The following CSMD1 variants were observed in gnomAD, a reference collection of about 807,000 sequenced individuals.
CSMD1 encodes the protein CUB and Sushi multiple domains 1.
Under a neutral mutation model 417.5 loss-of-function variants are expected in CSMD1, and 213 were observed. That is an observed-to-expected ratio of 0.51 (90% CI 0.46 to 0.57). The LOEUF is 0.57. Ranked by LOEUF, CSMD1 falls within the 20% of genes least tolerant of loss-of-function variation. The pLI is 0.00. For synonymous variants in CSMD1, 2,862 were observed against 1,736.8 expected (o/e 1.65, Z -16.11); for missense variants, 6,923 against 4,529.7 (o/e 1.53, Z -15.17).
intron 10 of CSMD1, among the ~76,000 whole-genome samples, chr8:3,505,272 T>TAAC (rs2117364683): frequency 6.6e-6 from 1 of 152,278 alleles, no homozygotes; most frequent in South Asian, 2.1e-4. Flanking sequence ...AATGCAGAAT[T>TAAC]AACATTTACA....
At chr8:3,573,765 A>G (rs6558799) in intron 10 of CSMD1, among the ~76,000 whole-genome samples, 150,627 of 152,036 alleles carry the variant, frequency 0.99, 74,634 homozygotes, top group Middle Eastern at 1. Flanking sequence ...CAGAACTGTT[A>G]GTAATAACTC....
intron 10 of CSMD1, among the ~76,000 whole-genome samples, chr8:3,509,119 T>C (rs73658142): frequency 0.2 from 30,057 of 152,128 alleles, 3,205 homozygotes; most frequent in African/African-American, 0.27. Flanking sequence ...GTAGGATTCT[T>C]ATGAGAATTT....
At chr8:4,653,087 T>C (rs537442392) in intron 1 of CSMD1, among the ~76,000 whole-genome samples, 4 of 152,176 alleles carry the variant, frequency 2.6e-5, no homozygotes, top group South Asian at 4.2e-4. Flanking sequence ...GATGTGTTTA[T>C]GAGAGACAGA....
At chr8:3,318,801 C>G (rs1457818827) in intron 23 of CSMD1, among the ~76,000 whole-genome samples, 3 of 152,168 alleles carry the variant, frequency 2.0e-5, no homozygotes, top group Non-Finnish European at 2.9e-5. Flanking sequence ...CCCACACACA[C>G]AGACAGCCAC....
At chr8:3,286,746 G>A (rs142069602) in intron 25 of CSMD1, among the ~76,000 whole-genome samples, 5,626 of 152,058 alleles carry the variant, frequency 0.037, 171 homozygotes, top group Admixed American at 0.089. Flanking sequence ...TGAGTAGATT[G>A]CAAAAATTTT....
chr8:3,035,257 G>T (rs972698448), intron 50 of CSMD1, among the ~76,000 whole-genome samples: 1 of 152,082 alleles, frequency 6.6e-6, no homozygotes, highest in Non-Finnish European at 1.5e-5. Flanking sequence ...CCAGAGACGC[G>T]CATCTGTTTA....
rs547801513 is a variant in CSMD1, at chr8:3,938,249, T to C, written c.818+59654A>G. ...AGCCATGTGTAAAATGCTTTACTGT[T>C]TAAAAAAAATTAAATCTACAGAGCA... On this transcript the variant is annotated intron_variant, in intron 5 of 69. Transcript: ENST00000635120. Among the ~76,000 whole-genome samples, 3 of 152,132 alleles carry C rather than the reference T, an allele frequency of 2.0e-5. No homozygotes were observed. In the South Asian group the frequency reaches 6.2e-4, roughly 32 times the overall value.
intron 1 of CSMD1, among the ~76,000 whole-genome samples, chr8:4,981,997 G>C (rs1584949886): frequency 6.6e-6 from 1 of 152,082 alleles, no homozygotes; most frequent in African/African-American, 2.4e-5. Flanking sequence ...CTGGCCAAAA[G>C]CCAGCAAAAA....
At chr8:2,953,615 A>T (rs1802794758) in intron 65 of CSMD1, among the ~76,000 whole-genome samples, 1 of 152,254 alleles carries the variant, frequency 6.6e-6, no homozygotes, top group South Asian at 2.1e-4. Flanking sequence ...AATAATTTAA[A>T]TTTAAAACAC....
chr8:3,527,006 C>T (rs1237782453), intron 10 of CSMD1, among the ~76,000 whole-genome samples: 1 of 151,980 alleles, frequency 6.6e-6, no homozygotes, highest in African/African-American at 2.4e-5. Flanking sequence ...TTTCTGGTTG[C>T]CTCTCCCTAC....
In CSMD1 at chr8:3,558,881, G is replaced by C. The variant is rs371371775; in HGVS notation, c.1344+16064C>G. ...CCCCATGTTCACCTGCCGCCCTGTAGTTGCTCAAGGTGTCTGAAAAGGAAA... is the reference window on the plus strand; with the variant it reads ...CCCCATGTTCACCTGCCGCCCTGTACTTGCTCAAGGTGTCTGAAAAGGAAA... On this transcript the variant is annotated intron_variant, in intron 10 of 69. Transcript: ENST00000635120. Among the ~76,000 whole-genome samples, 40 of 152,248 alleles carry C rather than the reference G, an allele frequency of 2.6e-4. 1 individual carries two copies. The South Asian group carries it at 7.9e-3, about 30-fold the overall frequency.
intron 1 of CSMD1, among the ~76,000 whole-genome samples, chr8:4,667,924 G>A (rs138574593): frequency 1.4e-3 from 218 of 152,240 alleles, no homozygotes; most frequent in African/African-American, 5.0e-3. Context: ...ATCTTTGCCT[G>A]GTTCACACAT....
At chr8:4,218,842 C>G (rs1314162836) in intron 3 of CSMD1, among the ~76,000 whole-genome samples, 1 of 152,124 alleles carries the variant, frequency 6.6e-6, no homozygotes, top group African/African-American at 2.4e-5. Flanking sequence ...AATTATTTCC[C>G]CTATACTTTT....
At chr8:4,735,722 A>G (rs1444167896) in intron 1 of CSMD1, among the ~76,000 whole-genome samples, 2 of 152,092 alleles carry the variant, frequency 1.3e-5, no homozygotes, top group Non-Finnish European at 2.9e-5. Flanking sequence ...TCTCCCTAAT[A>G]TCTCCCTAAT....
intron 3 of CSMD1, among the ~76,000 whole-genome samples, chr8:4,358,167 T>C (rs1268605601): frequency 6.6e-6 from 1 of 152,252 alleles, no homozygotes; most frequent in Non-Finnish European, 1.5e-5. Context: ...AAAATTATGA[T>C]GACGTTCACT....
intron 43 of CSMD1, among the ~76,000 whole-genome samples, chr8:3,109,826 C>T (rs1335980526): frequency 6.6e-6 from 1 of 151,550 alleles, no homozygotes; most frequent in African/African-American, 2.4e-5. Flanking sequence ...CACAGACATA[C>T]ACAAGCCACA....
chr8:3,946,298 G>A (rs554060173), intron 5 of CSMD1, among the ~76,000 whole-genome samples: 1 of 152,056 alleles, frequency 6.6e-6, no homozygotes, highest in African/African-American at 2.4e-5. Context: ...CTCCTCAGTG[G>A]AAGTGTTATC....
At chr8:4,652,892 A>AGTTACCTGCCAGAGCAACAATGGG in intron 1 of CSMD1, among the ~76,000 whole-genome samples, 1 of 152,052 alleles carries the variant, frequency 6.6e-6, no homozygotes, top group African/African-American at 2.4e-5. Flanking sequence ...GTAAGAATCT[A>AGTTACCTGCCAGAGCAACAATGGG]ACGCCGCTGC....
intron 5 of CSMD1, among the ~76,000 whole-genome samples, chr8:3,782,231 G>C (rs761066964): frequency 1.4e-4 from 22 of 152,158 alleles, no homozygotes; most frequent in Admixed American, 5.2e-4. Flanking sequence ...ATCTATGTCA[G>C]TCACCAGGAT....
Sources: allele counts gnomAD v4.1 joint callset (sites outside exome capture counted in the v4.1 genomes callset), GRCh38; gene constraint gnomAD v4.1.1; transcripts MANE v1.5; gene names NCBI Gene and HGNC (gene_info 2026-07-23, HGNC 2026-07-21).